The following PPL variants were observed in gnomAD, a reference collection of about 807,000 sequenced individuals.
The protein encoded by PPL is 190 kDa paraneoplastic pemphigus antigen.
PPL carries 198 observed loss-of-function variants against 194.4 expected under a neutral mutation model. The ratio of observed to expected loss-of-function variants is 1.02; its 90% CI spans 0.91 to 1.15. The LOEUF (loss-of-function observed/expected upper bound fraction) is 1.15. Ranked by LOEUF, PPL falls within the 50% of genes most tolerant of loss-of-function variation. The pLI is 0.00. For synonymous variants in PPL, 1,220 were observed against 972.4 expected, an observed-to-expected ratio of 1.25 and a Z score of -4.74; for missense variants, 2,885 against 2,294.8, an observed-to-expected ratio of 1.26 and a Z score of -5.25.
chr16:4,930,155 G>A (rs968783113), intron 1 of PPL, among the ~76,000 whole-genome samples: 1 of 152,130 alleles, frequency 6.6e-6, no homozygotes, highest in Non-Finnish European at 1.5e-5. Flanking sequence ...ACACATCCCC[G>A]TCACCTTCTG....
intron 16 of PPL, 113 bp downstream of exon 16, chr16:4,891,698 A>C: frequency 1.4e-6 from 2 of 1,397,324 alleles, no homozygotes; most frequent in Admixed American, 2.4e-5. Flanking sequence ...GGGCATTCCA[A>C]ACCTGGGGAG....
chr16:4,902,386 C>G lies in PPL; in HGVS notation c.438+20G>C. On this transcript the variant is annotated intron_variant, in intron 4 of 21. Coordinates refer to ENST00000345988, the MANE Select transcript of PPL (RefSeq NM_002705.5). The surrounding 1 kb of genome is among the most constrained non-coding windows in gnomAD (Gnocchi z 4.0). ...TCCCCAGCTGAAACCCTGGAGCCAG[C>G]GGCCCCGTCCAGGCCATACCAGCTT... 6.2e-7 allele frequency: 1 copy of G among 1,611,936 alleles called. No individual in the cohort carries two copies. Among genetic ancestry groups the G allele is most frequent in the Non-Finnish European group, 8.5e-7 (1 of 1,178,942 alleles).
chr16:4,896,583 G>A (rs12709120), intron 9 of PPL, among the ~76,000 whole-genome samples: 70,674 of 151,548 alleles, frequency 0.47, 18,418 homozygotes, highest in East Asian at 0.62. Context: ...GACCAAAGGT[G>A]ACCTGGGGCT....
At chr16:4,903,753 C>A in intron 3 of PPL, 133 bp downstream of exon 3, 2 of 1,063,432 alleles carry the variant, frequency 1.9e-6, no homozygotes, top group South Asian at 3.1e-5. Context: ...CATGTGAAGC[C>A]TTTGGCACGT....
chr16:4,884,635 C>T lies in PPL; in HGVS notation c.4020G>A (p.Glu1340=). ...ASQEEQIARK[E]EELSRVKERV... ...TTTCCTTCACCCGCGAGAGCTCCTC[C>T]TCTTTCCGGGCGATCTGCTCTTCCT... The change falls in exon 22 of 22, where the codon GAG becomes GAA. Residue 1340 remains glutamate, a synonymous_variant. Coordinates refer to ENST00000345988, the MANE Select transcript of PPL (RefSeq NM_002705.5). The surrounding 1 kb of genome is among the most constrained non-coding windows in gnomAD (Gnocchi z 5.7). 6.2e-7 allele frequency: 1 copy of T among 1,614,174 alleles called. No individual in the cohort carries two copies. The highest frequency in any genetic ancestry group is 2.2e-5 in the East Asian group (1 of 44,862).
chr16:4,895,550 T>A, intron 10 of PPL, 44 bp downstream of exon 10: 3 of 1,611,640 alleles, frequency 1.9e-6, no homozygotes, highest in Non-Finnish European at 2.5e-6. Context: ...TGTAGAGGGG[T>A]CCCCCGCCCC....
intron 1 of PPL, among the ~76,000 whole-genome samples, chr16:4,933,001 CTT>C (rs59573325): frequency 6.8e-6 from 1 of 146,218 alleles, no homozygotes; most frequent in Non-Finnish European, 1.5e-5. Flanking sequence ...TGTGTTCTTG[CTT>C]TTTTTTTTTT....
At chr16:4,889,241 G>GGTGGTTT (rs1442783436) in intron 18 of PPL, among the ~76,000 whole-genome samples, 180 bp from the exon 19 acceptor site, 1 of 66,636 alleles carries the variant, frequency 1.5e-5, no homozygotes, top group Non-Finnish European at 2.5e-5. Context: ...TGTTGTTGTT[G>GGTGGTTT]TTTTTTTTTT....
rs1484999843 is a variant in PPL at position 4,886,028 on chromosome 16, G to A, written c.2627C>T (p.Thr876Ile). ...CCTATTCCTTTGCAGGGTCTCATGG[G>A]TCACTTCTACTTCCGGCTGCTGTGA... is the stretch of plus-strand genomic sequence containing the variant. ...LLRQQPEVEV[T>I]HETLQRNRPD... The change falls in exon 22 of 22, where the codon ACC becomes ATC. Residue 876 changes from threonine to isoleucine, a missense_variant. Transcript: ENST00000345988. 6.2e-7 allele frequency: 1 copy of A among 1,613,992 alleles called. No individual in the cohort carries two copies.
At chr16:4,895,559 C>A (rs2088410754) in intron 10 of PPL, 35 bp downstream of exon 10, 1 of 1,613,118 alleles carries the variant, frequency 6.2e-7, no homozygotes, top group Non-Finnish European at 8.5e-7. Flanking sequence ...GTCCCCCGCC[C>A]CCCGGGCCAG....
At chr16:4,932,353 G>C (rs57376139) in intron 1 of PPL, among the ~76,000 whole-genome samples, 3,211 of 151,980 alleles carry the variant, frequency 0.021, 129 homozygotes, top group African/African-American at 0.074. Context: ...ATGGGTGCAT[G>C]TGCGTGTCTG....
At chr16:4,911,156 C>CTTT (rs34229581) in intron 1 of PPL, among the ~76,000 whole-genome samples, 148 of 85,874 alleles carry the variant, frequency 1.7e-3, no homozygotes, top group Non-Finnish European at 2.3e-3. Flanking sequence ...GGTCAGCCTC[C>CTTT]TTTTTTTTTT....
Position 4,889,244 on chromosome 16 carries a change from T to TGG in PPL, c.2314-184_2314-183insCC, listed in dbSNP as rs1567992835. Reference sequence around the variant, plus strand: ...AGGCAGTTTTTTTGTTGTTGTTGTTTTTTTTTTTTTTTTTTTTTTTTTTTT... The same window carrying TGG: ...AGGCAGTTTTTTTGTTGTTGTTGTTTGGTTTTTTTTTTTTTTTTTTTTTTTTT... On this transcript the variant is annotated intron_variant, in intron 18 of 21. Transcript: ENST00000345988. Among the ~76,000 whole-genome samples the TGG allele has an allele frequency of 1.7e-4, 3 of 17,808 alleles. 1 individual carries two copies. Among genetic ancestry groups the TGG allele is most frequent in the African/African-American group, 4.0e-4 (3 of 7,586 alleles). The allele number at this position is 17,808 out of a possible 152,430, so 11.7% of individuals were successfully genotyped here. A position where few individuals can be genotyped will look rare whatever the true frequency, so the allele number is the denominator to read the frequency against.
intron 1 of PPL, among the ~76,000 whole-genome samples, chr16:4,933,847 T>G (rs2089257082): frequency 6.6e-6 from 1 of 152,178 alleles, no homozygotes; most frequent in Non-Finnish European, 1.5e-5. Context: ...CACCATGATA[T>G]CAAGTTTAAC....
intron 1 of PPL, among the ~76,000 whole-genome samples, chr16:4,929,828 G>T (rs11862914): frequency 2.0e-5 from 3 of 151,888 alleles, no homozygotes; most frequent in Admixed American, 2.0e-4. Flanking sequence ...TAAGACTAGA[G>T]GCATGCACCA....
chr16:4,896,001 G>A (rs568608834), intron 9 of PPL, among the ~76,000 whole-genome samples: 1 of 152,208 alleles, frequency 6.6e-6, no homozygotes. Flanking sequence ...TAAGTCTTGA[G>A]GTGTCTTTGA....
At position 4,883,870 on chromosome 16, in the gene PPL, G is replaced by C. The variant is rs2088153201; in HGVS notation, c.4785C>G (p.Asp1595Glu). 1 of 1,613,912 alleles carries C rather than the reference G, an allele frequency of 6.2e-7. No individual in the cohort carries two copies. Among genetic ancestry groups the C allele is most frequent in the African/African-American group, 1.3e-5 (1 of 74,950 alleles). ...AGTCCGCCACGGTCATGTTCCGCAG[G>C]TCTCGTGTTTCCGTCGCTGCCATGT... is the stretch of plus-strand genomic sequence containing the variant. Reference protein sequence around the residue: ...EINMAATETRDLRNMTVADSG... With the variant: ...EINMAATETRELRNMTVADSG... Residue 1595 changes from aspartate (D) to glutamate (E), a missense_variant, in exon 22 of 22, where the codon GAC (aspartate) becomes GAG (glutamate). Transcript: ENST00000345988. This position sits in a 1 kb window ranked among gnomAD's most constrained non-coding sequence, Gnocchi z 4.8.
At position 4,890,249 on chromosome 16, in the gene PPL, G is replaced by A. The variant is rs1363012986; in HGVS notation, c.2248C>T (p.Pro750Ser). The change falls in exon 18 of 22, where the codon CCC becomes TCC. Residue 750 changes from proline (P) to serine (S), a missense_variant. Transcript: ENST00000345988. ...DHVLQFLVSIPSYEPQETDSL... is the reference protein window; with the variant it reads ...DHVLQFLVSISSYEPQETDSL... ...TCTGTCTCCTGGGGCTCGTAACTGGGGATGCTGACTAGGAACTGCAGCACG... is the reference window on the plus strand; with the variant it reads ...TCTGTCTCCTGGGGCTCGTAACTGGAGATGCTGACTAGGAACTGCAGCACG... The A allele has an allele frequency of 1.9e-6, 3 of 1,614,098 alleles. No individual in the cohort carries two copies. The highest frequency in any genetic ancestry group is 2.5e-6 in the Non-Finnish European group (3 of 1,180,040).
intron 6 of PPL, 91 bp from the exon 7 acceptor site, chr16:4,899,475 C>CTGGCCTGAGAACAAGCCCAGCTATGGG (rs2088507380): frequency 5.6e-6 from 4 of 709,210 alleles, no homozygotes; most frequent in African/African-American, 5.2e-5. Context: ...CCAGCTATGG[C>CTGGCCTGAGAACAAGCCCAGCTATGGG]TGGCCTGAGG....
Sources: gnomAD v4.1 joint callset for allele counts (sites outside exome capture counted in the v4.1 genomes callset) on GRCh38, gnomAD v4.1.1 for gene constraint, Gnocchi (gnomAD v3.1) non-coding constraint, MANE v1.5 for transcripts, NCBI Gene and HGNC (gene_info 2026-07-23, HGNC 2026-07-21) for gene names.